GPRC5D: variants seen among roughly 807,000 people sequenced by gnomAD.
The protein encoded by GPRC5D is G protein-coupled receptor class C group 5 member D.
In GPRC5D, 20 loss-of-function variants were observed where a neutral mutation model predicts 29.3. That is an observed-to-expected ratio of 0.68 (90% CI 0.48 to 0.99). The LOEUF is 0.99. Among genes scored for constraint, GPRC5D ranks in the 50% least tolerant of loss-of-function variants. The probability of loss-of-function intolerance (pLI) is 0.00; values close to 1 mark genes in which losing one functional copy is unlikely to be tolerated. For synonymous variants in GPRC5D, 178 were observed against 171.3 expected, an observed-to-expected ratio of 1.04 and a Z score of -0.30; for missense variants, 384 against 423.6, an observed-to-expected ratio of 0.91 and a Z score of 0.82.
At chr12:12,941,154 G>T (rs530204360) in intron 2 of GPRC5D, among the ~76,000 whole-genome samples, 1 of 152,026 alleles carries the variant, frequency 6.6e-6, no homozygotes, top group African/African-American at 2.4e-5. Context: ...CAAGTGATCC[G>T]CCCACCTCAC....
chr12:12,945,320 A>G (rs1305839434), intron 1 of GPRC5D, among the ~76,000 whole-genome samples: 2 of 152,152 alleles, frequency 1.3e-5, no homozygotes, highest in East Asian at 1.9e-4. Flanking sequence ...TTTCAAATAC[A>G]GATGGGTCTT....
exon 1 of GPRC5D, chr12:12,949,954 G>A: frequency 6.2e-7 from 1 of 1,613,562 alleles, no homozygotes; most frequent in Non-Finnish European, 8.5e-7. Flanking sequence ...ATACTCAGTG[G>A]CAATAATGAT....
chr12:12,944,838 C>T (rs367688898), intron 1 of GPRC5D, among the ~76,000 whole-genome samples: 7,836 of 20,260 alleles, frequency 0.39, 2,033 homozygotes, highest in Admixed American at 0.57. Flanking sequence ...TCCTTCCTTC[C>T]TTCCTTCCTT....
At chr12:12,949,052 C>G (rs1029596251) in intron 1 of GPRC5D, among the ~76,000 whole-genome samples, 3 of 152,132 alleles carry the variant, frequency 2.0e-5, no homozygotes, top group African/African-American at 7.2e-5. Flanking sequence ...AGCTTTGAGA[C>G]AAATTTTTAA....
In GPRC5D at chr12:12,942,300, A is replaced by G. The variant is rs1477530212; in HGVS notation, c.924T>C (p.Asp308=). 1.9e-6 allele frequency: 3 copies of G among 1,613,230 alleles called. No individual in the cohort carries two copies. In the South Asian group the frequency reaches 3.3e-5, roughly 18 times the overall value. ...GAGTACCATATGAAGTTAATGCTAC[A>G]TCCTCCTCAGCTCCATCACTGTCTC... Residue 308 remains aspartate, a synonymous_variant, in exon 2 of 3, where the codon GAT becomes GAC. Coordinates refer to ENST00000228887, the Ensembl canonical transcript of GPRC5D.
At chr12:12,950,211 A>T (rs1022803870) in exon 1 of GPRC5D, 1 of 1,614,018 alleles carries the variant, frequency 6.2e-7, no homozygotes, top group African/African-American at 1.3e-5. Context: ...TGGGGAGGAC[A>T]TTCCACTGGC....
At chr12:12,944,797 C>T (rs774046812) in intron 1 of GPRC5D, among the ~76,000 whole-genome samples, 7 of 24,744 alleles carry the variant, frequency 2.8e-4, no homozygotes, top group Non-Finnish European at 8.4e-4. Context: ...TCCTTCCTTC[C>T]TTCCCTTCCT....
At chr12:12,941,812 C>T (rs1167562173) in intron 2 of GPRC5D, among the ~76,000 whole-genome samples, 1 of 152,216 alleles carries the variant, frequency 6.6e-6, no homozygotes, top group Non-Finnish European at 1.5e-5. Flanking sequence ...CTTAGGGCAG[C>T]CTGGGCTGCT....
rs185793065 is a variant in GPRC5D, at chr12:12,941,470, C to T, written c.964-621G>A. ...TTAAAGCACATGATATAGTTATGGC[C>T]TGGTCCATGTGTCATTCTAGGAAAA... is the stretch of plus-strand genomic sequence containing the variant. On this transcript the variant is annotated intron_variant, in intron 2 of 2. Transcript: ENST00000228887. 6.0e-3 allele frequency among the ~76,000 whole-genome samples: 919 copies of T among 152,274 alleles called. 7 individuals carry two copies. The highest frequency in any genetic ancestry group is 0.027 in the Middle Eastern group (8 of 292).
At chr12:12,944,393 T>C (rs7134402) in intron 1 of GPRC5D, 124,322 of 152,096 alleles carry the variant, frequency 0.82, 52,177 homozygotes, top group Non-Finnish European at 0.91. Context: ...TGACCTGTAA[T>C]TTGAGGGTGA....
chr12:12,947,524 T>C (rs946200251), intron 1 of GPRC5D, among the ~76,000 whole-genome samples: 2 of 151,770 alleles, frequency 1.3e-5, no homozygotes, highest in Admixed American at 6.6e-5. Context: ...TTCCTTCCTT[T>C]CTTCCTTCCT....
intron 1 of GPRC5D, among the ~76,000 whole-genome samples, chr12:12,944,903 T>TTCTTTCTTTCTTTCTTTCTTTCTC (rs1565477611): frequency 1.0e-4 from 8 of 79,332 alleles, no homozygotes; most frequent in Admixed American, 1.7e-4. Flanking sequence ...CTTTCTTTCT[T>TTCTTTCTTTCTTTCTTTCTTTCTC]TCTCTCCCTT....
intron 1 of GPRC5D, among the ~76,000 whole-genome samples, chr12:12,944,939 CTTTCTTTCCTTTTCTTTCCT>C (rs149666065): frequency 1.8e-4 from 23 of 124,918 alleles, no homozygotes; most frequent in Middle Eastern, 7.6e-3. Context: ...CTTTTCTTCC[CTTTCTTTCCTTTTCTTTCCT>C]TTTCTTTCCT....
At chr12:12,952,090 C>T (rs1863511757), upstream of GPRC5D, 1 of 152,172 alleles carries the variant, frequency 6.6e-6, no homozygotes, top group African/African-American at 2.4e-5. Context: ...GAACATGGCC[C>T]CCCAATTCCA....
At chr12:12,941,701 C>T (rs1863150174) in intron 2 of GPRC5D, among the ~76,000 whole-genome samples, 1 of 152,142 alleles carries the variant, frequency 6.6e-6, no homozygotes. Context: ...GTGAATTACC[C>T]CCAAACTACT....
At chr12:12,947,490 T>A (rs965697957) in intron 1 of GPRC5D, among the ~76,000 whole-genome samples, 5 of 152,198 alleles carry the variant, frequency 3.3e-5, no homozygotes, top group Non-Finnish European at 5.9e-5. Flanking sequence ...TTGCCCAATC[T>A]TGGAGGGCAA....
Position 12,940,856 on chromosome 12 carries a change from A to C in GPRC5D, c.964-7T>G, listed in dbSNP as rs1211243531. 6.4e-7 allele frequency: 1 copy of C among 1,564,092 alleles called. No homozygotes were observed. On this transcript the variant is annotated splice_polypyrimidine_tract_variant and splice_region_variant and intron_variant, in intron 2 of 2. Coordinates refer to ENST00000228887, the Ensembl canonical transcript of GPRC5D. Reference sequence around the variant, plus strand: ...CTTGTGTGGGATCAACAGTCTGGAAAGGAAGAAATGCCATCATCAACTTTC... The same window carrying C: ...CTTGTGTGGGATCAACAGTCTGGAACGGAAGAAATGCCATCATCAACTTTC...
intron 2 of GPRC5D, among the ~76,000 whole-genome samples, 198 bp downstream of exon 3, chr12:12,942,063 G>A (rs1863164727): frequency 6.6e-6 from 1 of 152,194 alleles, no homozygotes. Flanking sequence ...GACTGGGAGG[G>A]TTTGGGTGAA....
downstream of GPRC5D, chr12:12,940,634 G>A (rs1027234509): frequency 1.3e-5 from 7 of 548,590 alleles, no homozygotes; most frequent in Non-Finnish European, 2.0e-5. Flanking sequence ...GGAGGGTCCT[G>A]GTGGATGGAG....
Sources: allele counts gnomAD v4.1 joint callset (sites outside exome capture counted in the v4.1 genomes callset), GRCh38; gene constraint gnomAD v4.1.1; transcripts MANE v1.5; gene names NCBI Gene and HGNC (gene_info 2026-07-23, HGNC 2026-07-21).